ZBTB20: variants seen among roughly 807,000 people sequenced by gnomAD.
The protein encoded by ZBTB20 is zinc finger and BTB domain-containing protein 20.
In ZBTB20, 9 loss-of-function variants were observed where a neutral mutation model predicts 56.9. The ratio of observed to expected loss-of-function variants is 0.16; its 90% CI spans 0.10 to 0.28. ZBTB20 has a LOEUF of 0.28. Among genes scored for constraint, ZBTB20 ranks in the 10% least tolerant of loss-of-function variants. The pLI is 1.00. For synonymous variants in ZBTB20, 417 were observed against 420.7 expected (o/e 0.99, Z 0.11); for missense variants, 655 against 1,003.0 (o/e 0.65, Z 4.69).
intron 6 of ZBTB20, among the ~76,000 whole-genome samples, chr3:114,627,684 C>A (rs1553966): frequency 0.018 from 2,667 of 152,278 alleles, 72 homozygotes; most frequent in African/African-American, 0.06. Flanking sequence ...GGAATTATAA[C>A]AAAATAATTC....
intron 1 of ZBTB20, among the ~76,000 whole-genome samples, chr3:115,073,275 T>C (rs1408793486): frequency 2.6e-5 from 4 of 152,224 alleles, no homozygotes; most frequent in African/African-American, 9.6e-5. Context: ...TTTCCATGTA[T>C]TCAACTTGTT....
intron 7 of ZBTB20, among the ~76,000 whole-genome samples, chr3:114,491,821 T>C (rs1160288665): frequency 6.6e-6 from 1 of 152,194 alleles, no homozygotes; most frequent in Non-Finnish European, 1.5e-5. Flanking sequence ...AACTTCTGAG[T>C]GGCCCACATT....
At chr3:114,579,967 A>T (rs2054478516) in intron 6 of ZBTB20, among the ~76,000 whole-genome samples, 1 of 151,744 alleles carries the variant, frequency 6.6e-6, no homozygotes. Flanking sequence ...AGAATAAAAA[A>T]TCCCAATAAT....
At chr3:114,602,553 T>C (rs894431917) in intron 6 of ZBTB20, among the ~76,000 whole-genome samples, 2 of 151,946 alleles carry the variant, frequency 1.3e-5, no homozygotes, top group African/African-American at 2.4e-5. Context: ...TTTATGTATG[T>C]ATTTGTTTAC....
Position 114,329,736 on chromosome 3 carries a change from A to AC in ZBTB20, c.*9268_*9269insG, listed in dbSNP as rs2079183300. 1 of 128,398 alleles carries AC rather than the reference A, an allele frequency of 7.8e-6. No homozygotes were observed. The highest frequency in any genetic ancestry group is 1.5e-5 in the Non-Finnish European group (1 of 65,014). The allele number at this position is 128,398 out of a possible 1,614,324, so 8.0% of individuals were successfully genotyped here. A position where few individuals can be genotyped will look rare whatever the true frequency, so the allele number is the denominator to read the frequency against. ...AAAAAAAAAAAAAAAAAAAAAAAAA[A>AC]ACAACTCCCAGGAAAATGAACACTA... On this transcript the variant is annotated 3_prime_UTR_variant, in exon 12 of 12. Coordinates refer to ENST00000675478, the MANE Select transcript of ZBTB20 (RefSeq NM_001348800.3).
At chr3:115,008,594 A>T (rs2079569311) in intron 2 of ZBTB20, among the ~76,000 whole-genome samples, 1 of 151,956 alleles carries the variant, frequency 6.6e-6, no homozygotes, top group South Asian at 2.1e-4. Context: ...ATGAAAAAAC[A>T]GTCCTAGAGA....
chr3:114,760,315 C>T (rs1265488244), intron 5 of ZBTB20, among the ~76,000 whole-genome samples: 1 of 152,102 alleles, frequency 6.6e-6, no homozygotes, highest in African/African-American at 2.4e-5. Flanking sequence ...ATTTAGTCAC[C>T]AGACTCTAAA....
At chr3:114,364,180 G>C (rs2082160231) in intron 10 of ZBTB20, among the ~76,000 whole-genome samples, 1 of 152,036 alleles carries the variant, frequency 6.6e-6, no homozygotes, top group African/African-American at 2.4e-5. Context: ...GACCAGGCAT[G>C]TTGGCTCACA....
intron 5 of ZBTB20, among the ~76,000 whole-genome samples, chr3:114,738,252 T>C (rs980352636): frequency 6.6e-6 from 1 of 152,080 alleles, no homozygotes; most frequent in African/African-American, 2.4e-5. Flanking sequence ...ATAAGCACTA[T>C]ATCATTGCCC....
intron 6 of ZBTB20, among the ~76,000 whole-genome samples, chr3:114,567,857 C>T (rs1342287863): frequency 6.6e-6 from 1 of 152,192 alleles, no homozygotes; most frequent in African/African-American, 2.4e-5. Flanking sequence ...ATCAAAGAGA[C>T]AAGTAAATTA....
intron 7 of ZBTB20, among the ~76,000 whole-genome samples, chr3:114,454,124 T>TG (rs1215764209): frequency 9.2e-4 from 87 of 94,126 alleles, no homozygotes; most frequent in Non-Finnish European, 1.4e-3. Flanking sequence ...GGAAGAGGGA[T>TG]GGGGGGCAGA....
intron 7 of ZBTB20, among the ~76,000 whole-genome samples, chr3:114,393,841 G>T (rs1449730545): frequency 6.6e-6 from 1 of 152,132 alleles, no homozygotes; most frequent in Non-Finnish European, 1.5e-5. Flanking sequence ...TTTCTTGATG[G>T]TGTCAGAGGC....
chr3:115,017,062 T>C (rs539106412), intron 2 of ZBTB20, among the ~76,000 whole-genome samples: 2 of 151,582 alleles, frequency 1.3e-5, no homozygotes, highest in South Asian at 2.1e-4. Flanking sequence ...GAAATAAACA[T>C]ATTCAAATAG....
intron 7 of ZBTB20, among the ~76,000 whole-genome samples, chr3:114,394,491 A>ATT (rs1436606566): frequency 6.6e-6 from 1 of 152,192 alleles, no homozygotes; most frequent in Non-Finnish European, 1.5e-5. Context: ...AGAAGGAACT[A>ATT]TTTCAGAAAC....
At chr3:114,807,248 G>A (rs934860963) in intron 4 of ZBTB20, among the ~76,000 whole-genome samples, 5 of 151,892 alleles carry the variant, frequency 3.3e-5, no homozygotes, top group African/African-American at 1.2e-4. Context: ...CAGTTAACTT[G>A]TTGAATTCCT....
intron 5 of ZBTB20, among the ~76,000 whole-genome samples, chr3:114,740,093 T>C (rs1434816252): frequency 1.3e-5 from 2 of 152,222 alleles, no homozygotes; most frequent in African/African-American, 4.8e-5. Flanking sequence ...AGCAGTTTTC[T>C]TTTTTAACAG....
At chr3:114,971,009 C>T (rs879609719) in intron 3 of ZBTB20, among the ~76,000 whole-genome samples, 1 of 139,752 alleles carries the variant, frequency 7.2e-6, no homozygotes, top group Non-Finnish European at 1.5e-5. Context: ...AGCGAGACTC[C>T]GTCAAAAAAA....
intron 7 of ZBTB20, among the ~76,000 whole-genome samples, chr3:114,486,703 A>G (rs1445951423): frequency 6.6e-6 from 1 of 152,242 alleles, no homozygotes; most frequent in Non-Finnish European, 1.5e-5. Context: ...TTCATGAGAC[A>G]CACGGTTCTC....
intron 6 of ZBTB20, among the ~76,000 whole-genome samples, chr3:114,635,542 C>G (rs2059213956): frequency 6.6e-6 from 1 of 151,616 alleles, no homozygotes; most frequent in South Asian, 2.1e-4. Context: ...TGAGAGATAG[C>G]TAAATAAAAT....
Sources: allele counts gnomAD v4.1 joint callset (sites outside exome capture counted in the v4.1 genomes callset), GRCh38; gene constraint gnomAD v4.1.1; transcripts MANE v1.5; gene names NCBI Gene and HGNC (gene_info 2026-07-23, HGNC 2026-07-21).